Variants in ORC5 observed in about 807,000 individuals in gnomAD.
The protein encoded by ORC5 is origin recognition complex subunit 5, also known as protein phosphatase 1, regulatory subunit 117.
Under a neutral mutation model 58.8 loss-of-function variants are expected in ORC5, and 39 were observed. That is an observed-to-expected ratio of 0.66 (90% CI 0.51 to 0.87). ORC5 has a LOEUF of 0.87. ORC5 is among the 40% of genes least tolerant of loss of function. The pLI, the probability that ORC5 is intolerant of heterozygous loss-of-function variation, is 0.00. For missense variants in ORC5, 493 were observed against 506.3 expected (o/e 0.97, Z 0.25); for synonymous variants, 218 against 177.6 (o/e 1.23, Z -1.81).
intron 3 of ORC5, among the ~76,000 whole-genome samples, chr7:104,198,881 A>G (rs1429844300): frequency 3.3e-5 from 5 of 152,226 alleles, no homozygotes; most frequent in Non-Finnish European, 5.9e-5. Context: ...TGCTTTGTGC[A>G]GTCTCGGAAC....
intron 8 of ORC5, among the ~76,000 whole-genome samples, chr7:104,178,135 G>C (rs540669857): frequency 6.6e-6 from 1 of 152,272 alleles, no homozygotes; most frequent in South Asian, 2.1e-4. Context: ...AGACCCCTGA[G>C]GAATCACCAC....
intron 1 of ORC5, among the ~76,000 whole-genome samples, chr7:104,205,917 C>A (rs1584531425): frequency 6.6e-6 from 1 of 152,016 alleles, no homozygotes; most frequent in Non-Finnish European, 1.5e-5. Flanking sequence ...CTGAGGTGGG[C>A]GGACTGCTTG....
chr7:104,200,260 TTAGTA>T (rs1265101099), intron 3 of ORC5, among the ~76,000 whole-genome samples: 1 of 152,214 alleles, frequency 6.6e-6, no homozygotes, highest in Non-Finnish European at 1.5e-5. Flanking sequence ...ATGAAGTGCT[TTAGTA>T]TAGTTTTCTA....
intron 2 of ORC5, among the ~76,000 whole-genome samples, chr7:104,203,267 A>G (rs964111092): frequency 2.0e-5 from 3 of 152,214 alleles, no homozygotes; most frequent in African/African-American, 7.2e-5. Context: ...TGGGCTAGCC[A>G]CCTGTTTTTG....
intron 12 of ORC5, among the ~76,000 whole-genome samples, chr7:104,140,696 T>C (rs1195355563): frequency 6.6e-6 from 1 of 152,192 alleles, no homozygotes; most frequent in Non-Finnish European, 1.5e-5. Flanking sequence ...AGGCCCCTTC[T>C]TGCTTTATTC....
chr7:104,174,781 C>T, intron 8 of ORC5, among the ~76,000 whole-genome samples: 1 of 152,162 alleles, frequency 6.6e-6, no homozygotes, highest in East Asian at 1.9e-4. Context: ...AGGCATTTAA[C>T]TAGTATATGA....
At chr7:104,203,068 A>G (rs1190903812) in intron 2 of ORC5, among the ~76,000 whole-genome samples, 1 of 152,196 alleles carries the variant, frequency 6.6e-6, no homozygotes, top group African/African-American at 2.4e-5. Flanking sequence ...GTAGAAGAAA[A>G]CCTGGCAAAA....
intron 2 of ORC5, among the ~76,000 whole-genome samples, chr7:104,202,878 T>A (rs1249631792): frequency 6.6e-6 from 1 of 152,208 alleles, no homozygotes; most frequent in Non-Finnish European, 1.5e-5. Context: ...CCAAGTAATG[T>A]GCTTGGTGCT....
rs781449473 is a variant in ORC5 at position 104,136,734 on chromosome 7, C to T, written c.1262+47G>A. The stretch of plus-strand genomic sequence containing the variant: ...CTAATGACATCACATTTGGAAAACA[C>T]TAATTTTTATATTTAGTATATCATT... On this transcript the variant is annotated intron_variant, in intron 13 of 13. Coordinates refer to ENST00000297431, the MANE Select transcript of ORC5 (RefSeq NM_002553.4). This position sits in a 1 kb window ranked among gnomAD's most constrained non-coding sequence, Gnocchi z 4.2. The T allele has an allele frequency of 7.1e-6, 9 of 1,264,014 alleles. No homozygotes were observed. The South Asian group carries it at 1.1e-4, about 16-fold the overall frequency. The allele number at this position is 1,264,014 out of a possible 1,614,324, so 78.3% of individuals were successfully genotyped here.
At chr7:104,204,469 ATATATT>A (rs940270561) in intron 1 of ORC5, among the ~76,000 whole-genome samples, 1 of 152,326 alleles carries the variant, frequency 6.6e-6, no homozygotes, top group Non-Finnish European at 1.5e-5. Flanking sequence ...ATTATGTACT[ATATATT>A]TATATTTTTA....
At position 104,166,889 on chromosome 7, in the gene ORC5, A is replaced by T. The variant is rs1799116592; in HGVS notation, c.878-5T>A. On this transcript the variant is annotated splice_polypyrimidine_tract_variant and splice_region_variant and intron_variant, in intron 9 of 13. Coordinates refer to ENST00000297431, the MANE Select transcript of ORC5 (RefSeq NM_002553.4). ...CATGAGTATGCGCTGAGAGGCCTAT[A>T]TAACAAAACACTTTGATGAAGTACT... 1 of 1,498,406 alleles carries T rather than the reference A, an allele frequency of 6.7e-7. No individual in the cohort carries two copies. The highest frequency in any genetic ancestry group is 2.3e-5 in the East Asian group (1 of 44,292). The allele number at this position is 1,498,406 out of a possible 1,614,324, so 92.8% of individuals were successfully genotyped here.
At chr7:104,172,474 C>T in intron 8 of ORC5, among the ~76,000 whole-genome samples, 1 of 151,948 alleles carries the variant, frequency 6.6e-6, no homozygotes, top group East Asian at 1.9e-4. Context: ...ATAGGCTAAT[C>T]AGTTAATTAA....
intron 12 of ORC5, among the ~76,000 whole-genome samples, chr7:104,152,352 C>T (rs1798859886): frequency 6.6e-6 from 1 of 152,090 alleles, no homozygotes; most frequent in Admixed American, 6.5e-5. Flanking sequence ...CTATGTTGCC[C>T]AGGCAGGTCT....
chr7:104,180,939 T>C (rs1466972793), intron 8 of ORC5, among the ~76,000 whole-genome samples: 9 of 152,338 alleles, frequency 5.9e-5, no homozygotes, highest in East Asian at 1.9e-4. Flanking sequence ...CCTACAGTTA[T>C]TGTTCTGATT....
At chr7:104,130,993 G>A (rs1276547730) in intron 13 of ORC5, among the ~76,000 whole-genome samples, 1 of 152,142 alleles carries the variant, frequency 6.6e-6, no homozygotes, top group East Asian at 1.9e-4. Context: ...ATGTGATTTC[G>A]ATTATAATTC....
At chr7:104,127,037 C>A in intron 13 of ORC5, 144 bp from the exon 14 acceptor site, 10 of 410,910 alleles carry the variant, frequency 2.4e-5, no homozygotes, top group Admixed American at 4.4e-5. Flanking sequence ...ATAGGACTGA[C>A]ATTAATTCTT....
chr7:104,202,173 G>A (rs1174014020), intron 2 of ORC5, among the ~76,000 whole-genome samples: 1 of 152,058 alleles, frequency 6.6e-6, no homozygotes, highest in Non-Finnish European at 1.5e-5. Context: ...GAAGTAATAA[G>A]GTCACAAACG....
At chr7:104,180,835 T>C (rs1260738532) in intron 8 of ORC5, among the ~76,000 whole-genome samples, 1 of 152,198 alleles carries the variant, frequency 6.6e-6, no homozygotes, top group Non-Finnish European at 1.5e-5. Flanking sequence ...TCATTATATG[T>C]ATGCCACAAA....
intron 9 of ORC5, 44 bp from the exon 10 acceptor site, chr7:104,166,928 T>C (rs757915895): frequency 9.7e-6 from 11 of 1,139,878 alleles, no homozygotes; most frequent in African/African-American, 3.1e-5. Flanking sequence ...TAGGCTAACA[T>C]TGGGTTTTAA....
Sources: gnomAD v4.1 joint callset for allele counts (sites outside exome capture counted in the v4.1 genomes callset) on GRCh38, gnomAD v4.1.1 for gene constraint, Gnocchi (gnomAD v3.1) non-coding constraint, MANE v1.5 for transcripts, NCBI Gene and HGNC (gene_info 2026-07-23, HGNC 2026-07-21) for gene names.